The following KATNAL1 variants were observed in gnomAD, a reference collection of about 807,000 sequenced individuals.
The protein encoded by KATNAL1 is katanin p60 ATPase-containing subunit A-like 1.
Under a neutral mutation model 55.2 loss-of-function variants are expected in KATNAL1, and 32 were observed. That is an observed-to-expected ratio of 0.58 (90% CI 0.44 to 0.78). The LOEUF is 0.78. KATNAL1 is among the 30% of genes least tolerant of loss of function. The pLI, the probability that KATNAL1 is intolerant of heterozygous loss-of-function variation, is 0.00. For missense variants in KATNAL1, 466 were observed against 600.9 expected, an observed-to-expected ratio of 0.78 and a Z score of 2.35; for synonymous variants, 193 against 193.6, an observed-to-expected ratio of 1.00 and a Z score of 0.02.
chr13:30,294,495 T>TG (rs1882348836), intron 1 of KATNAL1, among the ~76,000 whole-genome samples: 1 of 152,194 alleles, frequency 6.6e-6, no homozygotes, highest in South Asian at 2.1e-4. Context: ...GAGGTGAGGA[T>TG]GCTGCAGAAG....
chr13:30,290,238 A>C (rs1431983918), intron 1 of KATNAL1, among the ~76,000 whole-genome samples: 10 of 152,202 alleles, frequency 6.6e-5, no homozygotes, highest in Admixed American at 6.5e-4. Flanking sequence ...CAGAAAAACA[A>C]GAGAAAATTT....
At chr13:30,243,808 G>A (rs1877516090) in intron 4 of KATNAL1, among the ~76,000 whole-genome samples, 1 of 152,112 alleles carries the variant, frequency 6.6e-6, no homozygotes, top group Admixed American at 6.6e-5. Context: ...GGATGTCTAA[G>A]CTTAATTATA....
chr13:30,284,845 A>C (rs1004131024), intron 1 of KATNAL1, among the ~76,000 whole-genome samples: 1 of 152,230 alleles, frequency 6.6e-6, no homozygotes. Flanking sequence ...TCCTAGAATC[A>C]TCCAAGGCTT....
At position 30,255,620 on chromosome 13, in the gene KATNAL1, CAAAAAAAA is replaced by C. The variant is rs11348486; in HGVS notation, c.324-13_324-6del. On this transcript the variant is annotated splice_polypyrimidine_tract_variant and splice_region_variant and intron_variant, in intron 3 of 10. Transcript: ENST00000380615. ...CGCCTGATCTGAGGTGGAGCTCTGACAAAAAAAAAAAAAAAAAAATTAAAATTAAAATT... is the reference window on the plus strand; with the variant it reads ...CGCCTGATCTGAGGTGGAGCTCTGACAAAAAAAAAAATTAAAATTAAAATT... 87 of 1,084,032 alleles carry C rather than the reference CAAAAAAAA, an allele frequency of 8.0e-5. No homozygotes were observed. The East Asian group carries it at 2.5e-3, about 31-fold the overall frequency. 67.2% of individuals were successfully genotyped at this position (1,084,032 alleles called of 1,614,324 possible).
Position 30,280,775 on chromosome 13 carries a change from AT to A in KATNAL1, c.163-553del, listed in dbSNP as rs548737301. ...GAATTATTTTTGCCTTATTTAAATT[AT>A]TTTGAGTTCTGAGTAAAGTTTATTT... On this transcript the variant is annotated intron_variant, in intron 2 of 10. Coordinates refer to ENST00000380615, the MANE Select transcript of KATNAL1 (RefSeq NM_032116.5). 1.7e-3 allele frequency among the ~76,000 whole-genome samples: 263 copies of A among 152,276 alleles called. 1 individual carries two copies. The highest frequency in any genetic ancestry group is 5.8e-3 in the African/African-American group (242 of 41,568).
intron 1 of KATNAL1, among the ~76,000 whole-genome samples, chr13:30,297,194 TGAG>T (rs1397368035): frequency 9.9e-5 from 14 of 141,446 alleles, no homozygotes; most frequent in Admixed American, 2.8e-4. Flanking sequence ...GGAAGAAGGA[TGAG>T]GAGGAGTAGG....
intron 1 of KATNAL1, among the ~76,000 whole-genome samples, chr13:30,296,945 C>A (rs558771102): frequency 6.6e-6 from 1 of 151,904 alleles, no homozygotes; most frequent in African/African-American, 2.4e-5. Flanking sequence ...CGAGCCCGCC[C>A]AGCAGCACAC....
At position 30,307,348 on chromosome 13, in the gene KATNAL1, G is replaced by T; in HGVS notation, c.-32C>A. On this transcript the variant is annotated 5_prime_UTR_variant, in exon 1 of 11. Coordinates refer to ENST00000380615, the MANE Select transcript of KATNAL1 (RefSeq NM_032116.5). ...TTCATTACCCAGAAGGCGCAGGTCC[G>T]GGCACATTCAGCGATGCGGTCCAGA... 1 of 153,854 alleles carries T rather than the reference G, an allele frequency of 6.5e-6. No individual in the cohort carries two copies. Among genetic ancestry groups the T allele is most frequent in the South Asian group, 1.8e-4 (1 of 5,612 alleles). The allele number at this position is 153,854 out of a possible 1,614,324, so 9.5% of individuals were successfully genotyped here.
chr13:30,280,877 G>T (rs9506279), intron 2 of KATNAL1, among the ~76,000 whole-genome samples: 78,445 of 151,818 alleles, frequency 0.52, 22,035 homozygotes, highest in African/African-American at 0.73. Context: ...TCTTGTGTTT[G>T]CAAACTTTGA....
rs1314483727 is a variant in KATNAL1 at position 30,267,494 on chromosome 13, C to T, written c.324-11879G>A. On this transcript the variant is annotated intron_variant, in intron 3 of 10. Transcript: ENST00000380615. Reference sequence around the variant, plus strand: ...ATACATATTTTACAATTATACTAGACATCTCTTTCTGTTCACATAAACCCT... The same window carrying T: ...ATACATATTTTACAATTATACTAGATATCTCTTTCTGTTCACATAAACCCT... 2.0e-5 allele frequency among the ~76,000 whole-genome samples: 3 copies of T among 152,204 alleles called. No homozygotes were observed. The South Asian group carries it at 6.2e-4, about 31-fold the overall frequency.
At chr13:30,264,266 A>G (rs1421940286) in intron 3 of KATNAL1, among the ~76,000 whole-genome samples, 2 of 147,160 alleles carry the variant, frequency 1.4e-5, no homozygotes, top group African/African-American at 2.5e-5. Context: ...CTAAAACCAT[A>G]AAAACCCTAG....
chr13:30,240,654 T>C (rs1001794274), intron 5 of KATNAL1, 89 bp from the exon 6 acceptor site: 2 of 882,828 alleles, frequency 2.3e-6, no homozygotes, highest in Non-Finnish European at 3.5e-6. Flanking sequence ...TTTTTACTTA[T>C]GAAATTATTC....
intron 6 of KATNAL1, among the ~76,000 whole-genome samples, chr13:30,232,372 T>A (rs930071747): frequency 1.3e-5 from 2 of 152,206 alleles, no homozygotes; most frequent in African/African-American, 4.8e-5. Flanking sequence ...TATGTGTATG[T>A]CAAAGTTTCA....
intron 6 of KATNAL1, among the ~76,000 whole-genome samples, chr13:30,239,682 GTGAT>G (rs752986943): frequency 8.2e-6 from 1 of 121,530 alleles, no homozygotes; most frequent in Non-Finnish European, 1.6e-5. Context: ...TGATACAGAA[GTGAT>G]TTTTTTTTTT....
At chr13:30,284,021 C>T (rs1472545165) in intron 1 of KATNAL1, among the ~76,000 whole-genome samples, 1 of 151,794 alleles carries the variant, frequency 6.6e-6, no homozygotes, top group African/African-American at 2.4e-5. Flanking sequence ...CCACCATGCC[C>T]GGCTAATTTT....
intron 1 of KATNAL1, among the ~76,000 whole-genome samples, chr13:30,300,533 AG>A (rs35385259): frequency 0.051 from 7,791 of 152,192 alleles, 191 homozygotes; most frequent in African/African-American, 0.065. Context: ...AAAAAAAAAA[AG>A]TTTCTCCAAA....
intron 1 of KATNAL1, among the ~76,000 whole-genome samples, chr13:30,302,058 G>C (rs930299675): frequency 6.6e-6 from 1 of 152,138 alleles, no homozygotes; most frequent in African/African-American, 2.4e-5. Flanking sequence ...TTTTTGCAGA[G>C]ATGATGTCTC....
chr13:30,245,042 T>C lies in KATNAL1; in HGVS notation c.493-3956A>G, dbSNP rs924158552. ...TAAAAAAAAAAAAGGGACTCTTCCC[T>C]AGCTCATTTTATGAGGCCAGCCTCT... On this transcript the variant is annotated intron_variant, in intron 4 of 10. Transcript: ENST00000380615. Among the ~76,000 whole-genome samples, 3 of 150,960 alleles carry C rather than the reference T, an allele frequency of 2.0e-5. No individual in the cohort carries two copies. The South Asian group carries it at 6.3e-4, about 31-fold the overall frequency.
At chr13:30,296,625 C>T in intron 1 of KATNAL1, 1 of 706,036 alleles carries the variant, frequency 1.4e-6, no homozygotes, top group Non-Finnish European at 2.7e-6. Context: ...CCAGACCATC[C>T]AGTACACGGA....
Sources: allele counts gnomAD v4.1 joint callset (sites outside exome capture counted in the v4.1 genomes callset), GRCh38; gene constraint gnomAD v4.1.1; transcripts MANE v1.5; gene names NCBI Gene and HGNC (gene_info 2026-07-23, HGNC 2026-07-21).